Variants in HSD17B12 observed in about 807,000 individuals in gnomAD.
HSD17B12 encodes hydroxysteroid 17-beta dehydrogenase 12.
A neutral mutation model predicts 39.3 loss-of-function variants in HSD17B12; 32 were observed. That is an observed-to-expected ratio of 0.81 (90% CI 0.61 to 1.09). HSD17B12 has a LOEUF of 1.09. HSD17B12 is among the 50% of genes least tolerant of loss of function. HSD17B12 has a pLI of 0.00. For synonymous variants in HSD17B12, 150 were observed against 146.7 expected (o/e 1.02, Z -0.16); for missense variants, 342 against 382.9 (o/e 0.89, Z 0.89).
At chr11:43,688,327 G>A (rs919747053) in intron 1 of HSD17B12, among the ~76,000 whole-genome samples, 11 of 152,174 alleles carry the variant, frequency 7.2e-5, no homozygotes, top group African/African-American at 2.4e-4. Context: ...CTGTCTGGGG[G>A]AAAAGTCTGA....
the HSD17B12 span, among the ~76,000 whole-genome samples, chr11:43,618,206 A>C: frequency 2.6e-5 from 4 of 152,136 alleles, no homozygotes; most frequent in African/African-American, 9.7e-5. Context: ...AGTTCCAGGG[A>C]ATTTTCCTCT....
chr11:43,854,185 G>T (rs1237715013), intron 9 of HSD17B12: 2 of 152,294 alleles, frequency 1.3e-5, no homozygotes, highest in East Asian at 3.8e-4. Flanking sequence ...ATAAAACTCA[G>T]AAGTAGAATG....
chr11:43,704,305 A>G (rs1023717195), intron 1 of HSD17B12, among the ~76,000 whole-genome samples: 2 of 152,194 alleles, frequency 1.3e-5, no homozygotes, highest in African/African-American at 2.4e-5. Flanking sequence ...AGTTTCTGCA[A>G]CCTCTCAGGG....
the HSD17B12 span, among the ~76,000 whole-genome samples, chr11:43,646,592 A>G: frequency 1.3e-5 from 2 of 152,226 alleles, no homozygotes; most frequent in African/African-American, 4.8e-5. Context: ...TGAGTTAAAC[A>G]GAACAAATAG....
intron 1 of HSD17B12, among the ~76,000 whole-genome samples, chr11:43,750,221 G>C (rs1950452339): frequency 6.6e-6 from 1 of 151,946 alleles, no homozygotes; most frequent in Admixed American, 6.6e-5. Flanking sequence ...TTCCCGTATT[G>C]CCCTTCCCTG....
At chr11:43,557,292 A>G in the HSD17B12 span, among the ~76,000 whole-genome samples, 1 of 152,150 alleles carries the variant, frequency 6.6e-6, no homozygotes. Context: ...TGCTTCTGCC[A>G]CTTGGCCATA....
At chr11:43,804,262 C>G (rs973389905) in intron 4 of HSD17B12, among the ~76,000 whole-genome samples, 2 of 152,188 alleles carry the variant, frequency 1.3e-5, no homozygotes, top group African/African-American at 4.8e-5. Context: ...CTCTCAAGGC[C>G]TTCTCTGTCC....
In HSD17B12 at chr11:43,831,302, G is replaced by A. The variant is rs1000180688; in HGVS notation, c.536+292G>A. 1 of 218,194 alleles carries A rather than the reference G, an allele frequency of 4.6e-6. No homozygotes were observed. Among genetic ancestry groups the A allele is most frequent in the African/African-American group, 2.3e-5 (1 of 43,814 alleles). The allele number at this position is 218,194 out of a possible 1,614,324, so 13.5% of individuals were successfully genotyped here. A position where few individuals can be genotyped will look rare whatever the true frequency, so the allele number is the denominator to read the frequency against. On this transcript the variant is annotated intron_variant, in intron 7 of 10. Coordinates refer to ENST00000278353, the MANE Select transcript of HSD17B12 (RefSeq NM_016142.3). The surrounding 1 kb of genome is among the most constrained non-coding windows in gnomAD (Gnocchi z 4.1). ...CACTAACTCAATTGCCTACTATTCT[G>A]AGGGGGCGGATAGAGTTCCTGGGAT...
upstream of HSD17B12, among the ~76,000 whole-genome samples, chr11:43,676,027 A>G (rs1344681435): frequency 6.6e-6 from 1 of 152,036 alleles, no homozygotes; most frequent in African/African-American, 2.4e-5. Flanking sequence ...AAGGAGAATC[A>G]CTTGAACCTG....
the HSD17B12 span, among the ~76,000 whole-genome samples, chr11:43,566,316 C>A: frequency 6.6e-6 from 1 of 152,154 alleles, no homozygotes; most frequent in Non-Finnish European, 1.5e-5. Context: ...TTTTAACCTT[C>A]CTGAATGGCA....
the HSD17B12 span, among the ~76,000 whole-genome samples, chr11:43,625,678 G>C: frequency 1.3e-5 from 2 of 151,200 alleles, no homozygotes; most frequent in African/African-American, 4.8e-5. Flanking sequence ...TGCCAGGTAG[G>C]AATATTTTGA....
chr11:43,637,997 C>T, the HSD17B12 span, among the ~76,000 whole-genome samples: 4 of 151,966 alleles, frequency 2.6e-5, no homozygotes, highest in Non-Finnish European at 4.4e-5. Context: ...GCCTCTGTGG[C>T]ATTTGTCAGA....
the HSD17B12 span, among the ~76,000 whole-genome samples, chr11:43,635,002 T>C: frequency 6.6e-6 from 1 of 152,286 alleles, no homozygotes; most frequent in East Asian, 1.9e-4. Context: ...AAAATGTCCT[T>C]GTGCAAGATG....
chr11:43,567,296 C>G, the HSD17B12 span, among the ~76,000 whole-genome samples: 217 of 152,298 alleles, frequency 1.4e-3, 2 homozygotes, highest in East Asian at 0.04. Context: ...CCTCAGCCTC[C>G]GATCTCCTGG....
chr11:43,666,296 T>C, the HSD17B12 span, among the ~76,000 whole-genome samples: 2 of 152,138 alleles, frequency 1.3e-5, no homozygotes, highest in Non-Finnish European at 2.9e-5. Context: ...CTCAACCTCC[T>C]GGGCTCAATA....
chr11:43,789,023 C>T lies in HSD17B12; in HGVS notation c.284-9297C>T, dbSNP rs1052980994. On this transcript the variant is annotated intron_variant, in intron 3 of 10. Transcript: ENST00000278353. The stretch of plus-strand genomic sequence containing the variant: ...AGCTGTCTTCTACGAATTTTCTTTC[C>T]GCTTCTCTGTGCCATCCACAGGGAT... Among the ~76,000 whole-genome samples, 12 of 152,178 alleles carry T rather than the reference C, an allele frequency of 7.9e-5. 1 individual carries two copies. Among genetic ancestry groups the T allele is most frequent in the Admixed American group, 2.0e-4 (3 of 15,268 alleles).
chr11:43,668,611 T>C, the HSD17B12 span, among the ~76,000 whole-genome samples: 1 of 152,146 alleles, frequency 6.6e-6, no homozygotes, highest in South Asian at 2.1e-4. Flanking sequence ...TTCTCAAACA[T>C]TTGAAATAAA....
rs746245685 is a variant in HSD17B12, at chr11:43,838,317, A to T, written c.537A>T (p.Arg179Ser). 9.9e-6 allele frequency: 16 copies of T among 1,611,258 alleles called. No homozygotes were observed. In the Admixed American group the frequency reaches 2.7e-4, roughly 27 times the overall value. Residue 179 changes from arginine (R) to serine (S), a missense_variant and splice_region_variant, in exon 8 of 11, where the codon AGA (arginine) becomes AGT (serine). Coordinates refer to ENST00000278353, the MANE Select transcript of HSD17B12 (RefSeq NM_016142.3). ...TQLVLPGMVE[R>S]SKGAILNISS... The stretch of plus-strand genomic sequence containing the variant: ...TTACACGGTACATTTTCCTTTTTAG[A>T]TCCAAAGGGGCTATTCTGAACATTT...
intron 1 of HSD17B12, among the ~76,000 whole-genome samples, chr11:43,711,962 G>C (rs1170042072): frequency 2.0e-5 from 3 of 152,152 alleles, no homozygotes; most frequent in Non-Finnish European, 2.9e-5. Context: ...TCATCAGCAA[G>C]GGCACTGTAA....
Sources: gnomAD v4.1 joint callset for allele counts (sites outside exome capture counted in the v4.1 genomes callset) on GRCh38, gnomAD v4.1.1 for gene constraint, Gnocchi (gnomAD v3.1) non-coding constraint, MANE v1.5 for transcripts, NCBI Gene and HGNC (gene_info 2026-07-23, HGNC 2026-07-21) for gene names.